The following RASL12 variants were observed in gnomAD, a reference collection of about 807,000 sequenced individuals.
The protein encoded by RASL12 is ras-like protein family member 12.
In RASL12, 16 loss-of-function variants were observed where a neutral mutation model predicts 22.9. That is an observed-to-expected ratio of 0.70 (90% confidence interval 0.47 to 1.06). The LOEUF (loss-of-function observed/expected upper bound fraction) is 1.06, where lower values mean the gene tolerates loss of function less well. RASL12 is among the 50% of genes least tolerant of loss of function. RASL12 has a pLI of 0.00. For missense variants in RASL12, 306 were observed against 353.1 expected (o/e 0.87, Z 1.07); for synonymous variants, 159 against 152.2 (o/e 1.04, Z -0.33).
intron 2 of RASL12, among the ~76,000 whole-genome samples, chr15:65,063,536 G>C: frequency 1.3e-5 from 2 of 152,288 alleles, no homozygotes; most frequent in South Asian, 4.1e-4. Context: ...TCAGCTCCTT[G>C]GGCCTGTTTC....
At position 65,058,434 on chromosome 15, in the gene RASL12, G is replaced by A. The variant is rs375795964; in HGVS notation, c.418C>T (p.Gln140Ter). 3.2e-6 allele frequency: 5 copies of A among 1,558,720 alleles called. No individual in the cohort carries two copies. The highest frequency in any genetic ancestry group is 8.7e-7 in the Non-Finnish European group (1 of 1,145,490). ...CAAGCAGGCTGTGCTCACCTGTACT[G>A]AGCCATGTCCAGCTTGTTGCCCAGC... ...LLLGNKLDMA[Q>*]YRQVTKAEGV... Residue 140 changes from glutamine (Q) to a stop codon, truncating the protein, a stop_gained, in exon 4 of 5, where the codon CAG becomes TAG. Coordinates refer to ENST00000220062, the MANE Select transcript of RASL12 (RefSeq NM_016563.4). LOFTEE classifies it high-confidence loss of function.
the RASL12 span, among the ~76,000 whole-genome samples, chr15:65,046,160 AT>A: frequency 2.0e-5 from 3 of 152,170 alleles, no homozygotes; most frequent in East Asian, 5.8e-4. Flanking sequence ...AATTAGCTGG[AT>A]GTGGTGGCGG....
At chr15:65,059,208 C>T in intron 3 of RASL12, 137 bp downstream of exon 3, 1 of 702,400 alleles carries the variant, frequency 1.4e-6, no homozygotes. Context: ...AGGTCAAGTG[C>T]CTCATTCAGG....
At chr15:65,069,680 A>G (rs563662869), upstream of RASL12, among the ~76,000 whole-genome samples, 1 of 151,868 alleles carries the variant, frequency 6.6e-6, no homozygotes, top group African/African-American at 2.4e-5. Flanking sequence ...CTGACTGTCC[A>G]TAGTTAGAAG....
chr15:65,070,127 G>A (rs2086921306), upstream of RASL12, among the ~76,000 whole-genome samples: 1 of 152,128 alleles, frequency 6.6e-6, no homozygotes, highest in Non-Finnish European at 1.5e-5. Context: ...AATTAGCTGG[G>A]TATGTTGGCA....
Position 65,054,843 on chromosome 15 carries a change from C to T in RASL12, c.*56G>A. 9 of 1,554,154 alleles carry T rather than the reference C, an allele frequency of 5.8e-6. No individual in the cohort carries two copies. Among genetic ancestry groups the T allele is most frequent in the African/African-American group, 1.4e-5 (1 of 73,318 alleles). On this transcript the variant is annotated 3_prime_UTR_variant, in exon 5 of 5. Transcript: ENST00000220062. ...AAGGCTGGTGGTGAGAAGCCAGTCC[C>T]TGTCCTGCTGCAGTCCTGTCCAGCC...
intron 2 of RASL12, among the ~76,000 whole-genome samples, chr15:65,064,004 T>G (rs531832624): frequency 3.4e-4 from 52 of 152,290 alleles, no homozygotes; most frequent in Middle Eastern, 3.4e-3. Context: ...ATGGGGAAAA[T>G]AATCCAAGAC....
At chr15:65,055,347 C>T (rs1595903468) in intron 4 of RASL12, 73 bp from the exon 5 acceptor site, 1 of 1,371,324 alleles carries the variant, frequency 7.3e-7, no homozygotes, top group African/African-American at 1.5e-5. Context: ...GCTCCTACAC[C>T]CAGCGCCCCA....
intron 2 of RASL12, 43 bp downstream of exon 2, chr15:65,065,174 G>C: frequency 6.3e-7 from 1 of 1,595,768 alleles, no homozygotes; most frequent in Middle Eastern, 1.7e-4. Context: ...GAGCACTCCA[G>C]ATGGGGCACA....
downstream of RASL12, chr15:65,049,417 C>G (rs113301016): frequency 6.6e-6 from 1 of 152,136 alleles, no homozygotes; most frequent in African/African-American, 2.4e-5. Flanking sequence ...CCTTTCCCTC[C>G]GGCACTTTTC....
At chr15:65,050,022 G>GCCCCT, downstream of RASL12, 1 of 1,551,480 alleles carries the variant, frequency 6.4e-7, no homozygotes, top group Non-Finnish European at 8.7e-7. Context: ...ACAGTGAGGG[G>GCCCCT]GCTCCCGGAG....
At chr15:65,048,097 C>A in the RASL12 span, among the ~76,000 whole-genome samples, 1 of 151,790 alleles carries the variant, frequency 6.6e-6, no homozygotes. Context: ...ACGAGAACCG[C>A]TTGGACCCAG....
chr15:65,073,154 C>A (rs1363920430), intron 1 of RASL12, among the ~76,000 whole-genome samples: 1 of 152,206 alleles, frequency 6.6e-6, no homozygotes, highest in Non-Finnish European at 1.5e-5. Context: ...CAGTCCCCAA[C>A]CTTTTTGGCA....
In RASL12 at chr15:65,067,884, C is replaced by G. The variant is rs1369026806; in HGVS notation, c.-49G>C. ...AGGTCTGCGGCCGGTGGGCCCCGCG[C>G]AGTGCGCCCGCCCGTCGGGGCCCAG... On this transcript the variant is annotated 5_prime_UTR_variant, in exon 1 of 5. Coordinates refer to ENST00000220062, the MANE Select transcript of RASL12 (RefSeq NM_016563.4). 2 of 1,396,138 alleles carry G rather than the reference C, an allele frequency of 1.4e-6. No homozygotes were observed. Among genetic ancestry groups the G allele is most frequent in the African/African-American group, 3.1e-5 (2 of 65,528 alleles). 86.5% of individuals were successfully genotyped at this position (1,396,138 alleles called of 1,614,324 possible).
At chr15:65,068,477 C>G (rs1278552439), upstream of RASL12, among the ~76,000 whole-genome samples, 2 of 152,148 alleles carry the variant, frequency 1.3e-5, no homozygotes, top group African/African-American at 2.4e-5. The surrounding 1 kb of genome is among the most constrained non-coding windows in gnomAD (Gnocchi z 4.2). Flanking sequence ...ACTGCAGAAC[C>G]CATTCGGAAC....
At chr15:65,075,796 C>G (rs189135940) in intron 1 of RASL12, among the ~76,000 whole-genome samples, 1 of 152,152 alleles carries the variant, frequency 6.6e-6, no homozygotes, top group East Asian at 1.9e-4. Flanking sequence ...CCAATCAACA[C>G]TCTGTATCTA....
chr15:65,075,148 A>C (rs1017034684), intron 1 of RASL12, among the ~76,000 whole-genome samples: 1 of 152,230 alleles, frequency 6.6e-6, no homozygotes, highest in African/African-American at 2.4e-5. Context: ...GCCCCGGGCA[A>C]TGAGGGACTT....
chr15:65,053,062 T>G (rs1204398798), downstream of RASL12: 1 of 1,613,962 alleles, frequency 6.2e-7, no homozygotes, highest in East Asian at 2.2e-5. Flanking sequence ...TAAGAGAAAC[T>G]TTGCTCTCAG....
chr15:65,065,491 A>T (rs2086865573), intron 1 of RASL12, among the ~76,000 whole-genome samples: 1 of 151,930 alleles, frequency 6.6e-6, no homozygotes, highest in African/African-American at 2.4e-5. Context: ...CACCGTGGGA[A>T]TTTTTTTTAA....
Sources: gnomAD v4.1 joint callset for allele counts (sites outside exome capture counted in the v4.1 genomes callset) on GRCh38, gnomAD v4.1.1 for gene constraint, Gnocchi (gnomAD v3.1) non-coding constraint, MANE v1.5 for transcripts, NCBI Gene and HGNC (gene_info 2026-07-23, HGNC 2026-07-21) for gene names.